The following MACROD2 variants were observed in gnomAD, a reference collection of about 807,000 sequenced individuals.
MACROD2 encodes the protein ADP-ribose glycohydrolase MACROD2.
A neutral mutation model predicts 70.4 loss-of-function variants in MACROD2; 36 were observed. The ratio of observed to expected loss-of-function variants is 0.51; its 90% CI spans 0.39 to 0.68. MACROD2 has a LOEUF of 0.68. MACROD2 is among the 30% of genes least tolerant of loss of function. The probability of loss-of-function intolerance (pLI) is 0.00; values close to 1 mark genes in which losing one functional copy is unlikely to be tolerated. For synonymous variants in MACROD2, 172 were observed against 178.8 expected (o/e 0.96, Z 0.30); for missense variants, 496 against 538.4 (o/e 0.92, Z 0.78).
At chr20:16,003,078 CCACCCACACACACACA>C (rs1452710427) in intron 15 of MACROD2, among the ~76,000 whole-genome samples, 132 of 129,990 alleles carry the variant, frequency 1.0e-3, no homozygotes, top group Non-Finnish European at 1.8e-3. Context: ...ACCCACCCAC[CCACCCACACACACACA>C]CACACACACA....
At chr20:14,002,431 T>A in intron 2 of MACROD2, 27 bp downstream of exon 2, 1 of 1,434,716 alleles carries the variant, frequency 7.0e-7, no homozygotes, top group Non-Finnish European at 9.6e-7. Context: ...ATTTTTTAGG[T>A]AGATATTTTT....
At chr20:15,582,192 C>T (rs1263223615) in intron 8 of MACROD2, among the ~76,000 whole-genome samples, 1 of 152,032 alleles carries the variant, frequency 6.6e-6, no homozygotes, top group Non-Finnish European at 1.5e-5. Context: ...GGGAGTCTTG[C>T]CTGTTCCCTC....
chr20:15,828,712 G>T (rs931636112), intron 8 of MACROD2, among the ~76,000 whole-genome samples: 1 of 152,106 alleles, frequency 6.6e-6, no homozygotes, highest in African/African-American at 2.4e-5. Context: ...TCTGGTTTTC[G>T]TCATTACATG....
chr20:14,172,694 G>A (rs913667359), intron 3 of MACROD2, among the ~76,000 whole-genome samples: 4 of 152,062 alleles, frequency 2.6e-5, no homozygotes, highest in East Asian at 3.9e-4. Context: ...TATATTATGC[G>A]ATTTTTTGCC....
chr20:15,860,047 A>C (rs1374585275), intron 8 of MACROD2, among the ~76,000 whole-genome samples: 1 of 152,114 alleles, frequency 6.6e-6, no homozygotes, highest in Non-Finnish European at 1.5e-5. Flanking sequence ...AGGCAAGAGA[A>C]TCACTTGAAC....
chr20:14,380,111 A>G (rs1251026511), intron 3 of MACROD2, among the ~76,000 whole-genome samples: 1 of 152,034 alleles, frequency 6.6e-6, no homozygotes, highest in Non-Finnish European at 1.5e-5. Context: ...GTCTTCACCA[A>G]CACTTTTCTT....
intron 10 of MACROD2, among the ~76,000 whole-genome samples, chr20:15,914,578 A>G (rs1489733158): frequency 1.3e-5 from 2 of 152,232 alleles, no homozygotes; most frequent in African/African-American, 4.8e-5. Flanking sequence ...ATAATGCGTA[A>G]GGACTACCAC....
intron 8 of MACROD2, among the ~76,000 whole-genome samples, chr20:15,765,696 T>C (rs16996498): frequency 0.11 from 17,365 of 152,218 alleles, 1,131 homozygotes; most frequent in Middle Eastern, 0.27. Context: ...AAAGTGAACA[T>C]ATTTACAACA....
intron 5 of MACROD2, among the ~76,000 whole-genome samples, chr20:15,052,637 G>C (rs1430330400): frequency 3.9e-5 from 6 of 152,148 alleles, no homozygotes; most frequent in Non-Finnish European, 8.8e-5. Context: ...TCCCCTGTCT[G>C]TCTCCCTCTC....
chr20:15,524,663 G>T (rs146206795), intron 8 of MACROD2, among the ~76,000 whole-genome samples: 1 of 152,252 alleles, frequency 6.6e-6, no homozygotes, highest in African/African-American at 2.4e-5. Flanking sequence ...CAGGACTGGG[G>T]AATTGTATAA....
intron 5 of MACROD2, among the ~76,000 whole-genome samples, chr20:14,892,534 T>C (rs1244352490): frequency 2.0e-5 from 3 of 152,200 alleles, no homozygotes; most frequent in African/African-American, 7.2e-5. Flanking sequence ...TTTTTAATTG[T>C]GGTGAAAACA....
intron 5 of MACROD2, among the ~76,000 whole-genome samples, chr20:15,081,653 AGT>A (rs1197493402): frequency 6.6e-6 from 1 of 152,144 alleles, no homozygotes; most frequent in Non-Finnish European, 1.5e-5. Context: ...TCCCAAGGGA[AGT>A]TGACACGCTA....
intron 5 of MACROD2, among the ~76,000 whole-genome samples, chr20:15,128,844 GTT>G (rs5840655): frequency 5.4e-5 from 8 of 147,552 alleles, no homozygotes; most frequent in Admixed American, 2.0e-4. Flanking sequence ...TTTGTGTTTT[GTT>G]TTTTTTTTTC....
chr20:14,440,843 G>A (rs1001551639), intron 3 of MACROD2, among the ~76,000 whole-genome samples: 2 of 152,146 alleles, frequency 1.3e-5, no homozygotes, highest in Non-Finnish European at 2.9e-5. Context: ...AGTTCATGGA[G>A]AAGATTGCCT....
chr20:14,555,065 T>TGTA (rs934144282), intron 4 of MACROD2, among the ~76,000 whole-genome samples: 1 of 152,046 alleles, frequency 6.6e-6, no homozygotes, highest in Non-Finnish European at 1.5e-5. Context: ...GCAAGGTGAC[T>TGTA]GTAGTCAACA....
At chr20:15,967,305 C>A (rs749785566) in intron 12 of MACROD2, among the ~76,000 whole-genome samples, 10 of 152,062 alleles carry the variant, frequency 6.6e-5, no homozygotes, top group Non-Finnish European at 1.3e-4. Context: ...CTTTTATTTT[C>A]TTATTTGTTG....
chr20:15,391,066 A>C (rs1281134015), intron 6 of MACROD2, among the ~76,000 whole-genome samples: 1 of 152,216 alleles, frequency 6.6e-6, no homozygotes, highest in Non-Finnish European at 1.5e-5. Context: ...TGAGGCACCT[A>C]AGATGACAGC....
intron 8 of MACROD2, among the ~76,000 whole-genome samples, chr20:15,804,797 T>A (rs960697875): frequency 6.6e-6 from 1 of 152,172 alleles, no homozygotes; most frequent in African/African-American, 2.4e-5. Flanking sequence ...CCAAGGGTCA[T>A]CTTTCCCTGT....
At chr20:15,166,446 G>T (rs1310237780) in intron 5 of MACROD2, among the ~76,000 whole-genome samples, 1 of 152,134 alleles carries the variant, frequency 6.6e-6, no homozygotes, top group Non-Finnish European at 1.5e-5. Context: ...AACCCAAGCA[G>T]CCTGGCATCT....
Sources: gnomAD v4.1 joint callset for allele counts (sites outside exome capture counted in the v4.1 genomes callset) on GRCh38, gnomAD v4.1.1 for gene constraint, MANE v1.5 for transcripts, NCBI Gene and HGNC (gene_info 2026-07-23, HGNC 2026-07-21) for gene names.